Variants in DCC observed in about 807,000 individuals in gnomAD.
The protein encoded by DCC is netrin receptor DCC.
DCC carries 58 observed loss-of-function variants against 172.5 expected under a neutral mutation model. The ratio of observed to expected loss-of-function variants is 0.34; its 90% CI spans 0.27 to 0.42. The LOEUF is 0.42. Ranked by LOEUF, DCC falls within the 10% of genes least tolerant of loss-of-function variation. DCC has a pLI of 1.00. For synonymous variants in DCC, 709 were observed against 644.5 expected (o/e 1.10, Z -1.52); for missense variants, 1,740 against 1,791.0 (o/e 0.97, Z 0.51).
intron 1 of DCC, among the ~76,000 whole-genome samples, chr18:52,544,304 G>A (rs984211291): frequency 1.3e-5 from 2 of 152,196 alleles, no homozygotes; most frequent in Admixed American, 1.3e-4. Flanking sequence ...CATGCTGGGG[G>A]AAGAGTACCT....
At chr18:52,955,955 C>CA in intron 5 of DCC, among the ~76,000 whole-genome samples, 1 of 151,552 alleles carries the variant, frequency 6.6e-6, no homozygotes, top group African/African-American at 2.4e-5. Context: ...CATATTTGGG[C>CA]TATCATTTTT....
chr18:53,360,946 T>C (rs972326618), intron 15 of DCC, among the ~76,000 whole-genome samples: 2 of 152,150 alleles, frequency 1.3e-5, no homozygotes, highest in African/African-American at 4.8e-5. Flanking sequence ...ATGTGCATGT[T>C]CTAACCTCCA....
chr18:52,817,568 A>C (rs1332048687), intron 2 of DCC, among the ~76,000 whole-genome samples: 1 of 152,048 alleles, frequency 6.6e-6, no homozygotes, highest in East Asian at 1.9e-4. Context: ...GAATTATAGA[A>C]TCTTTTAAGT....
In DCC at chr18:52,800,774, T is replaced by C. The variant is rs186109869; in HGVS notation, c.412+48400T>C. 1.6e-4 allele frequency among the ~76,000 whole-genome samples: 24 copies of C among 152,316 alleles called. No individual in the cohort carries two copies. In the East Asian group the frequency reaches 3.9e-3, roughly 24 times the overall value. On this transcript the variant is annotated intron_variant, in intron 2 of 28. Transcript: ENST00000442544. ...AGTAGAGTAAAAGCAAGAGAAGTTT[T>C]CTTTTTTCTCCCTGATGTATCAGTT...
chr18:52,664,873 A>G (rs573798044), intron 1 of DCC, among the ~76,000 whole-genome samples: 14 of 152,288 alleles, frequency 9.2e-5, no homozygotes, highest in African/African-American at 3.4e-4. Flanking sequence ...AAATGAGTCT[A>G]TGCAGATGCA....
intron 1 of DCC, among the ~76,000 whole-genome samples, chr18:52,561,855 T>C (rs2033046886): frequency 6.6e-6 from 1 of 152,202 alleles, no homozygotes; most frequent in African/African-American, 2.4e-5. Context: ...TCAATCCATT[T>C]TTCTCCATCT....
chr18:53,491,400 T>C (rs1255453479), intron 26 of DCC, among the ~76,000 whole-genome samples: 1 of 152,228 alleles, frequency 6.6e-6, no homozygotes, highest in African/African-American at 2.4e-5. Context: ...CTGGGGTACA[T>C]GTGCAGAATG....
intron 9 of DCC, among the ~76,000 whole-genome samples, chr18:53,204,040 G>A (rs2055585136): frequency 1.3e-5 from 2 of 151,978 alleles, no homozygotes. Context: ...AGCCCATTTG[G>A]CATGAATATC....
At chr18:52,591,468 C>T (rs1436783539) in intron 1 of DCC, among the ~76,000 whole-genome samples, 1 of 151,920 alleles carries the variant, frequency 6.6e-6, no homozygotes, top group Non-Finnish European at 1.5e-5. Context: ...TATTTCTAAA[C>T]TTTCCACTTT....
intron 1 of DCC, among the ~76,000 whole-genome samples, chr18:52,716,051 A>G (rs2036376311): frequency 1.3e-5 from 2 of 151,838 alleles, no homozygotes; most frequent in Non-Finnish European, 2.9e-5. Flanking sequence ...CTTCAACTCT[A>G]TGATCCCTGC....
rs952905292 is a variant in DCC, at chr18:53,090,724, A to C, written c.1261+24558A>C. ...AAAAAAAAAAAAAAAAAAAAAAAAA[A>C]AAAAAAAAAAGAATGTATCGTGTTT... On this transcript the variant is annotated intron_variant, in intron 7 of 28. Coordinates refer to ENST00000442544, the MANE Select transcript of DCC (RefSeq NM_005215.4). Among the ~76,000 whole-genome samples the C allele has an allele frequency of 1.4e-3, 194 of 136,958 alleles. 6 individuals are homozygous for C. Among genetic ancestry groups the C allele is most frequent in the African/African-American group, 5.0e-3 (191 of 37,992 alleles). 89.8% of individuals were successfully genotyped at this position (136,958 alleles called of 152,430 possible).
chr18:53,086,001 C>CTTATTATTATTATTATTA, intron 7 of DCC, among the ~76,000 whole-genome samples: 3 of 23,406 alleles, frequency 1.3e-4, no homozygotes, highest in Admixed American at 2.6e-4. Flanking sequence ...CCTTCTCCTT[C>CTTATTATTATTATTATTA]TTCTCCTTCT....
chr18:52,719,486 C>G (rs2145072428), intron 1 of DCC, among the ~76,000 whole-genome samples: 1 of 152,142 alleles, frequency 6.6e-6, no homozygotes, highest in Non-Finnish European at 1.5e-5. Context: ...TGAATTATTA[C>G]TGGGCCCTGA....
chr18:53,335,753 C>A (rs541121914), intron 14 of DCC, among the ~76,000 whole-genome samples: 1 of 152,154 alleles, frequency 6.6e-6, no homozygotes, highest in African/African-American at 2.4e-5. Flanking sequence ...AAGACATACC[C>A]GAGACAGGGC....
intron 3 of DCC, among the ~76,000 whole-genome samples, chr18:52,912,970 A>T (rs1336329714): frequency 6.6e-6 from 1 of 152,108 alleles, no homozygotes; most frequent in Admixed American, 6.6e-5. Flanking sequence ...TTCTATTTTT[A>T]GATTAATAAA....
intron 9 of DCC, 131 bp downstream of exon 9, chr18:53,179,247 A>G (rs2055157343): frequency 2.3e-6 from 2 of 885,588 alleles, no homozygotes; most frequent in South Asian, 1.5e-5. Context: ...AAGTAAACTT[A>G]TATAACTCGA....
At chr18:53,456,903 T>G (rs918407141) in intron 23 of DCC, among the ~76,000 whole-genome samples, 1 of 152,234 alleles carries the variant, frequency 6.6e-6, no homozygotes, top group Non-Finnish European at 1.5e-5. Flanking sequence ...AATTTAATTA[T>G]GAGCACATGT....
intron 15 of DCC, among the ~76,000 whole-genome samples, chr18:53,376,551 A>T (rs930431850): frequency 3.9e-5 from 6 of 152,222 alleles, no homozygotes; most frequent in Non-Finnish European, 8.8e-5. Flanking sequence ...CTGAGTCTAA[A>T]GAACCCTAAG....
chr18:53,433,657 A>T (rs1310067242), intron 21 of DCC, among the ~76,000 whole-genome samples: 1 of 119,752 alleles, frequency 8.4e-6, no homozygotes, highest in African/African-American at 2.6e-5. Flanking sequence ...CCCCAAATGC[A>T]TCACAGTTAT....
Sources: gnomAD v4.1 joint callset for allele counts (sites outside exome capture counted in the v4.1 genomes callset) on GRCh38, gnomAD v4.1.1 for gene constraint, MANE v1.5 for transcripts, NCBI Gene and HGNC (gene_info 2026-07-23, HGNC 2026-07-21) for gene names.